Variants in DLG1 observed in about 807,000 individuals in gnomAD.
DLG1 encodes disks large homolog 1.
In DLG1, 42 loss-of-function variants were observed where a neutral mutation model predicts 123.4. The ratio of observed to expected loss-of-function variants is 0.34; its 90% CI spans 0.27 to 0.44. DLG1 has a LOEUF of 0.44. DLG1 is among the 20% of genes least tolerant of loss of function. The probability of loss-of-function intolerance (pLI) is 1.00; values close to 1 mark genes in which losing one functional copy is unlikely to be tolerated. For synonymous variants in DLG1, 317 were observed against 356.2 expected, an observed-to-expected ratio of 0.89 and a Z score of 1.24; for missense variants, 942 against 1,082.6, an observed-to-expected ratio of 0.87 and a Z score of 1.82.
intron 13 of DLG1, among the ~76,000 whole-genome samples, chr3:197,108,043 T>C (rs1051344089): frequency 1.3e-5 from 2 of 152,216 alleles, no homozygotes; most frequent in Admixed American, 6.5e-5. Flanking sequence ...TTTATGACAA[T>C]TGCTTTTTCT....
chr3:197,063,592 G>T (rs1737361123), intron 22 of DLG1, among the ~76,000 whole-genome samples: 1 of 152,148 alleles, frequency 6.6e-6, no homozygotes, highest in Non-Finnish European at 1.5e-5. Context: ...TTCATTTTGT[G>T]AATGTAAAAT....
At chr3:197,297,676 T>C in intron 1 of DLG1, 1 of 989,110 alleles carries the variant, frequency 1.0e-6, no homozygotes, top group Non-Finnish European at 1.2e-6. Context: ...CGCTTGCCTT[T>C]CTCCTTGCTC....
intron 13 of DLG1, 32 bp from the exon 14 acceptor site, chr3:197,105,037 A>T (rs1560699265): frequency 1.4e-6 from 2 of 1,390,134 alleles, no homozygotes; most frequent in Non-Finnish European, 2.0e-6. Flanking sequence ...AATTTGGGAG[A>T]AAAGAATCAC....
intron 14 of DLG1, among the ~76,000 whole-genome samples, chr3:197,099,544 G>T (rs1762370295): frequency 6.6e-6 from 1 of 152,124 alleles, no homozygotes; most frequent in Non-Finnish European, 1.5e-5. Flanking sequence ...TATCTGAACT[G>T]CTGGCTACAA....
chr3:197,259,911 T>C (rs1758601793), intron 4 of DLG1, among the ~76,000 whole-genome samples: 1 of 152,192 alleles, frequency 6.6e-6, no homozygotes, highest in Non-Finnish European at 1.5e-5. Flanking sequence ...AAACGAGTTA[T>C]ACTTTCAACT....
intron 4 of DLG1, among the ~76,000 whole-genome samples, chr3:197,238,080 G>C (rs1410713862): frequency 6.6e-6 from 1 of 152,124 alleles, no homozygotes; most frequent in African/African-American, 2.4e-5. Context: ...TCTCTCTTAG[G>C]TGTGGAAGGA....
intron 4 of DLG1, among the ~76,000 whole-genome samples, chr3:197,241,253 T>G (rs935861110): frequency 1.3e-5 from 2 of 152,022 alleles, no homozygotes; most frequent in Admixed American, 6.6e-5. Flanking sequence ...ATTTTTAATG[T>G]GCTCAAAGAA....
At chr3:197,298,034 GC>G in intron 1 of DLG1, 1 of 653,234 alleles carries the variant, frequency 1.5e-6, no homozygotes, top group Non-Finnish European at 1.9e-6. Flanking sequence ...CGGCCCGCTC[GC>G]CCAGTTGCTG....
intron 10 of DLG1, among the ~76,000 whole-genome samples, chr3:197,131,738 C>T (rs191301233): frequency 0.013 from 1,892 of 149,244 alleles, 37 homozygotes; most frequent in African/African-American, 0.044. Flanking sequence ...GGACTACAGG[C>T]GCCCGCCACT....
rs140291156 is a variant in DLG1, at chr3:197,112,269, T to G, written c.1443+3658A>C. Among the ~76,000 whole-genome samples the G allele has an allele frequency of 2.6e-3, 401 of 152,340 alleles. 2 individuals carry two copies. The highest frequency in any genetic ancestry group is 9.3e-3 in the African/African-American group (387 of 41,584). ...TAGTGTATAGTTAAGTTTTGGCAAATGTGAATTTCGTGCAGCCACCCACAA... is the reference window on the plus strand; with the variant it reads ...TAGTGTATAGTTAAGTTTTGGCAAAGGTGAATTTCGTGCAGCCACCCACAA... On this transcript the variant is annotated intron_variant, in intron 13 of 24. Transcript: ENST00000667157.
At chr3:197,183,871 A>G in intron 5 of DLG1, 2 of 1,508,908 alleles carry the variant, frequency 1.3e-6, no homozygotes. Context: ...TGAGTGGTGA[A>G]TGATCGGTAA....
At chr3:197,264,574 C>A (rs1224511604) in intron 4 of DLG1, among the ~76,000 whole-genome samples, 1 of 152,022 alleles carries the variant, frequency 6.6e-6, no homozygotes, top group Non-Finnish European at 1.5e-5. Flanking sequence ...TTACAGATGC[C>A]TGCCACCACG....
chr3:197,263,263 A>G (rs1760250111), intron 4 of DLG1, among the ~76,000 whole-genome samples: 1 of 152,186 alleles, frequency 6.6e-6, no homozygotes, highest in Non-Finnish European at 1.5e-5. Context: ...TAAGTTTGGC[A>G]GACTTCATAA....
chr3:197,171,606 A>G (rs1804234203), intron 5 of DLG1, among the ~76,000 whole-genome samples: 1 of 152,222 alleles, frequency 6.6e-6, no homozygotes, highest in South Asian at 2.1e-4. Flanking sequence ...CAGATCATCT[A>G]GTTCATGAAT....
At chr3:197,066,926 C>T (rs561292360) in intron 19 of DLG1, among the ~76,000 whole-genome samples, 172 bp from the exon 20 acceptor site, 24 of 152,114 alleles carry the variant, frequency 1.6e-4, no homozygotes, top group South Asian at 1.5e-3. Flanking sequence ...ATTATAAAGT[C>T]TTAAAAGTGA....
intron 7 of DLG1, among the ~76,000 whole-genome samples, chr3:197,140,842 G>C (rs968290033): frequency 6.6e-6 from 1 of 152,130 alleles, no homozygotes; most frequent in Non-Finnish European, 1.5e-5. Context: ...ATTAGCAAAA[G>C]GCATTGTTTC....
chr3:197,108,728 G>A lies in DLG1; in HGVS notation c.1444-3723C>T, dbSNP rs574863014. Among the ~76,000 whole-genome samples, 6 of 152,118 alleles carry A rather than the reference G, an allele frequency of 3.9e-5. No homozygotes were observed. In the East Asian group the frequency reaches 5.8e-4, roughly 15 times the overall value. On this transcript the variant is annotated intron_variant, in intron 13 of 24. Transcript: ENST00000667157. ...TTTGTGTAATGCATCTTTTCCACCC[G>A]TTTACTTTCAACCTTTTTGTGTCTT...
intron 17 of DLG1, chr3:197,078,517 T>C (rs941269095): frequency 1.3e-5 from 2 of 152,106 alleles, no homozygotes; most frequent in South Asian, 4.1e-4. Flanking sequence ...ATCTTAAAGT[T>C]TGAAGGCTCT....
intron 4 of DLG1, among the ~76,000 whole-genome samples, chr3:197,275,451 T>C (rs1452947242): frequency 6.6e-6 from 1 of 152,226 alleles, no homozygotes; most frequent in Non-Finnish European, 1.5e-5. Flanking sequence ...TGCCCATGTT[T>C]ATCGCACCAC....
Sources: allele counts gnomAD v4.1 joint callset (sites outside exome capture counted in the v4.1 genomes callset), GRCh38; gene constraint gnomAD v4.1.1; transcripts MANE v1.5; gene names NCBI Gene and HGNC (gene_info 2026-07-23, HGNC 2026-07-21).